Variants in GSDMA observed in about 807,000 individuals in gnomAD.
The protein encoded by GSDMA is gasdermin-A.
A neutral mutation model predicts 54.3 loss-of-function variants in GSDMA; 55 were observed. That is an observed-to-expected ratio of 1.01 (90% CI 0.82 to 1.27). The LOEUF is 1.27. Among genes scored for constraint, GSDMA ranks in the 50% most tolerant of loss-of-function variants. The pLI, the probability that GSDMA is intolerant of heterozygous loss-of-function variation, is 0.00. For missense variants in GSDMA, 542 were observed against 542.6 expected, an observed-to-expected ratio of 1.00 and a Z score of 0.01; for synonymous variants, 211 against 224.7, an observed-to-expected ratio of 0.94 and a Z score of 0.54.
intron 3 of GSDMA, among the ~76,000 whole-genome samples, chr17:39,970,030 A>G (rs1274498376): frequency 3.9e-5 from 6 of 152,024 alleles, no homozygotes. Flanking sequence ...GTTAACAGCA[A>G]GAGAGAGCAT....
intron 8 of GSDMA, 67 bp from the exon 9 acceptor site, chr17:39,974,206 G>C: frequency 6.7e-7 from 1 of 1,490,928 alleles, no homozygotes; most frequent in South Asian, 1.3e-5. Flanking sequence ...GAGCCCTGCA[G>C]GGGGAATGCT....
intron 3 of GSDMA, among the ~76,000 whole-genome samples, chr17:39,967,014 G>C (rs140740609): frequency 5.3e-4 from 81 of 152,228 alleles, no homozygotes; most frequent in African/African-American, 1.8e-3. Flanking sequence ...CTTGACACGG[G>C]AACTGACTTT....
intron 4 of GSDMA, among the ~76,000 whole-genome samples, 151 bp downstream of exon 4, chr17:39,970,798 C>T (rs997011830): frequency 6.6e-5 from 10 of 152,302 alleles, no homozygotes; most frequent in South Asian, 2.1e-4. Flanking sequence ...CTCCTTCCCC[C>T]GGCTCTTAAA....
At chr17:39,972,471 C>T (rs1979997197) in intron 6 of GSDMA, 116 bp from the exon 7 acceptor site, 1 of 946,688 alleles carries the variant, frequency 1.1e-6, no homozygotes, top group Admixed American at 2.0e-5. Flanking sequence ...GATGAGCTAG[C>T]ATAATCTCCC....
intron 3 of GSDMA, among the ~76,000 whole-genome samples, chr17:39,967,312 A>C (rs1022909539): frequency 2.0e-5 from 3 of 152,210 alleles, no homozygotes; most frequent in Middle Eastern, 3.2e-3. Context: ...AAATAAGGGA[A>C]GATCTCACAG....
intron 6 of GSDMA, 60 bp downstream of exon 6, chr17:39,972,236 C>A: frequency 8.9e-7 from 1 of 1,120,080 alleles, no homozygotes; most frequent in Non-Finnish European, 1.3e-6. Context: ...CATTATCTGC[C>A]AAAATCCTCC....
At position 39,971,634 on chromosome 17, in the gene GSDMA, C is replaced by T. The variant is rs747332063; in HGVS notation, c.655+14C>T. Reference sequence around the variant, plus strand: ...AAGATGAGTGGGGTGAGCAGAGACCCGCATGTTCTCCCCACAAGATGAGAA... The same window carrying T: ...AAGATGAGTGGGGTGAGCAGAGACCTGCATGTTCTCCCCACAAGATGAGAA... On this transcript the variant is annotated intron_variant, in intron 5 of 11. Transcript: ENST00000301659. The T allele has an allele frequency of 5.7e-6, 9 of 1,585,024 alleles. No homozygotes were observed. The highest frequency in any genetic ancestry group is 7.8e-6 in the Non-Finnish European group (9 of 1,153,858).
At chr17:39,966,216 T>G (rs760288398) in intron 2 of GSDMA, 44 bp from the exon 3 acceptor site, 1 of 1,605,050 alleles carries the variant, frequency 6.2e-7, no homozygotes, top group East Asian at 2.2e-5. Context: ...CATGAGTTAC[T>G]GCACCCAGCC....
At chr17:39,970,691 A>G in intron 4 of GSDMA, 44 bp downstream of exon 4, 1 of 1,377,080 alleles carries the variant, frequency 7.3e-7, no homozygotes, top group Non-Finnish European at 9.5e-7. Context: ...ACACTCTCAC[A>G]CTCACACTCA....
chr17:39,971,842 G>A (rs1237903206), intron 5 of GSDMA, among the ~76,000 whole-genome samples: 1 of 152,156 alleles, frequency 6.6e-6, no homozygotes, highest in Admixed American at 6.6e-5. Flanking sequence ...TTGGGGGAGG[G>A]GGTACAAATA....
chr17:39,970,087 A>AG (rs1268535020), intron 3 of GSDMA, among the ~76,000 whole-genome samples: 1 of 146,732 alleles, frequency 6.8e-6, no homozygotes, highest in Non-Finnish European at 1.5e-5. Context: ...GGGAGGAAAG[A>AG]GGGGGGGAGC....
chr17:39,963,578 G>T (rs12451100), intron 1 of GSDMA, among the ~76,000 whole-genome samples: 63,339 of 152,072 alleles, frequency 0.42, 13,633 homozygotes, highest in East Asian at 0.57. Context: ...CTCAGGTCAG[G>T]TGCGGTGGCT....
chr17:39,966,504 G>A, intron 3 of GSDMA, 67 bp downstream of exon 3: 1 of 1,399,824 alleles, frequency 7.1e-7, no homozygotes, highest in East Asian at 2.3e-5. Context: ...ATGGTGCTTG[G>A]GGCCTTGAGC....
At position 39,974,268 on chromosome 17, in the gene GSDMA, C is replaced by A; in HGVS notation, c.752-5C>A. 1 of 1,607,532 alleles carries A rather than the reference C, an allele frequency of 6.2e-7. No individual in the cohort carries two copies. Among genetic ancestry groups the A allele is most frequent in the East Asian group, 2.2e-5 (1 of 44,794 alleles). ...GGGCTGTGTGTCCCATTATTGTCCCCATAGGGGACGTACACGAAGGCTTCA... is the reference window on the plus strand; with the variant it reads ...GGGCTGTGTGTCCCATTATTGTCCCAATAGGGGACGTACACGAAGGCTTCA... On this transcript the variant is annotated splice_region_variant and splice_polypyrimidine_tract_variant and intron_variant, in intron 8 of 11. Transcript: ENST00000301659.
At chr17:39,966,501 T>C (rs1473680278) in intron 3 of GSDMA, 64 bp downstream of exon 3, 2 of 1,407,076 alleles carry the variant, frequency 1.4e-6, no homozygotes, top group Non-Finnish European at 1.9e-6. Flanking sequence ...GAAATGGTGC[T>C]TGGGGCCTTG....
chr17:39,963,497 G>T (rs1157753385), intron 1 of GSDMA, among the ~76,000 whole-genome samples: 2 of 152,202 alleles, frequency 1.3e-5, no homozygotes, highest in South Asian at 2.1e-4. Flanking sequence ...GATAACTGGG[G>T]TGTGCCGATC....
intron 11 of GSDMA, 133 bp downstream of exon 11, chr17:39,976,130 T>A (rs1980189832): frequency 5.2e-6 from 3 of 578,542 alleles, no homozygotes; most frequent in Non-Finnish European, 3.1e-6. Context: ...CCACTCCTCC[T>A]TTCTCTCTCT....
chr17:39,972,108 T>G, intron 5 of GSDMA, 21 bp from the exon 6 acceptor site: 1 of 359,766 alleles, frequency 2.8e-6, no homozygotes, highest in Non-Finnish European at 5.4e-6. Context: ...CCTCCCACCC[T>G]CCCTCCCTTG....
At chr17:39,975,616 T>C (rs1980167272) in intron 10 of GSDMA, among the ~76,000 whole-genome samples, 1 of 152,212 alleles carries the variant, frequency 6.6e-6, no homozygotes, top group African/African-American at 2.4e-5. Context: ...TGATACCTGT[T>C]AGCTTTAACT....
Sources: allele counts gnomAD v4.1 joint callset (sites outside exome capture counted in the v4.1 genomes callset), GRCh38; gene constraint gnomAD v4.1.1; transcripts MANE v1.5; gene names NCBI Gene and HGNC (gene_info 2026-07-23, HGNC 2026-07-21).